Variants in NRIP1 observed in about 807,000 individuals in gnomAD.
NRIP1 encodes nuclear receptor interacting protein 1.
A neutral mutation model predicts 75.0 loss-of-function variants in NRIP1; 28 were observed. The observed-to-expected ratio is 0.37, with a 90% CI of 0.28 to 0.51. The LOEUF is 0.51. NRIP1 is among the 20% of genes least tolerant of loss of function. The pLI is 0.92. For synonymous variants in NRIP1, 526 were observed against 487.6 expected (o/e 1.08, Z -1.04); for missense variants, 1,435 against 1,343.7 (o/e 1.07, Z -1.06).
intron 3 of NRIP1, among the ~76,000 whole-genome samples, chr21:14,987,645 C>T (rs921126983): frequency 1.3e-5 from 2 of 152,138 alleles, no homozygotes; most frequent in Non-Finnish European, 2.9e-5. Flanking sequence ...TGTATAAAAC[C>T]TCCTGGGAGC....
chr21:15,031,093 G>A (rs371886764), intron 2 of NRIP1, among the ~76,000 whole-genome samples: 173 of 44,160 alleles, frequency 3.9e-3, no homozygotes, highest in African/African-American at 8.4e-3. Flanking sequence ...GAAGGCGCTC[G>A]GAGGATCACC....
At chr21:14,971,064 T>C (rs2086891838) in intron 3 of NRIP1, among the ~76,000 whole-genome samples, 1 of 152,224 alleles carries the variant, frequency 6.6e-6, no homozygotes, top group Non-Finnish European at 1.5e-5. Context: ...TAATAATCCA[T>C]TTTTTGGCAA....
chr21:15,059,729 A>G (rs1231463069), intron 1 of NRIP1, among the ~76,000 whole-genome samples: 1 of 152,168 alleles, frequency 6.6e-6, no homozygotes, highest in Non-Finnish European at 1.5e-5. Context: ...AAAACTGTGT[A>G]TAGCTTTTTA....
chr21:15,045,387 TAA>T (rs1396633283), intron 1 of NRIP1, among the ~76,000 whole-genome samples: 2 of 152,228 alleles, frequency 1.3e-5, no homozygotes, highest in Non-Finnish European at 2.9e-5. Context: ...CTAGTGCACA[TAA>T]AAGTTATGTT....
At chr21:15,058,033 A>G (rs1390855334) in intron 1 of NRIP1, among the ~76,000 whole-genome samples, 1 of 152,190 alleles carries the variant, frequency 6.6e-6, no homozygotes, top group Non-Finnish European at 1.5e-5. Flanking sequence ...CAGGCTTGAA[A>G]TCTTTACTGT....
At position 15,031,653 on chromosome 21, in the gene NRIP1, T is replaced by C. The variant is rs62220724; in HGVS notation, c.-458+11842A>G. 2.6e-3 allele frequency among the ~76,000 whole-genome samples: 97 copies of C among 37,056 alleles called. 6 individuals carry two copies. In the East Asian group the frequency reaches 0.03, roughly 11 times the overall value. The allele number at this position is 37,056 out of a possible 152,430, so 24.3% of individuals were successfully genotyped here. ...CTCTGGAAGGCGCTCGGAGGATCACTACATTCCCTTTCTATGTGTATACAC... is the reference window on the plus strand; with the variant it reads ...CTCTGGAAGGCGCTCGGAGGATCACCACATTCCCTTTCTATGTGTATACAC... On this transcript the variant is annotated intron_variant, in intron 2 of 3. Transcript: ENST00000318948.
In NRIP1 at chr21:14,963,223, A is replaced by T. The variant is rs539832376; in HGVS notation, c.*1493T>A. 1 of 152,516 alleles carries T rather than the reference A, an allele frequency of 6.6e-6. No homozygotes were observed. Among genetic ancestry groups the T allele is most frequent in the South Asian group, 2.1e-4 (1 of 4,820 alleles). The allele number at this position is 152,516 out of a possible 1,614,324, so 9.4% of individuals were successfully genotyped here. A position where few individuals can be genotyped will look rare whatever the true frequency, so the allele number is the denominator to read the frequency against. ...TCTTGGGTTTAAACTAAATGTTGTA[A>T]GCTTTGTTGGCATTGTTCTTAGGAC... On this transcript the variant is annotated 3_prime_UTR_variant, in exon 4 of 4. Coordinates refer to ENST00000318948, the MANE Select transcript of NRIP1 (RefSeq NM_003489.4).
rs147293713 is a variant in NRIP1 at position 14,965,992 on chromosome 21, C to T, written c.2201G>A (p.Arg734Lys). ...TGAGTGTTCCTGAGTACTTTCATCT[C>T]TTAAGGGAGTTTTCTCTTTTTTTTC... ...KSEKKEKTPL[R>K]DESTQEHSER... The change falls in exon 4 of 4, where the codon AGA becomes AAA. Residue 734 changes from arginine (R) to lysine (K), a missense_variant. Coordinates refer to ENST00000318948, the MANE Select transcript of NRIP1 (RefSeq NM_003489.4). 1,018 of 1,612,278 alleles carry T rather than the reference C, an allele frequency of 6.3e-4. 4 individuals carry two copies. Among genetic ancestry groups the T allele is most frequent in the Non-Finnish European group, 7.9e-4 (933 of 1,179,576 alleles).
intron 3 of NRIP1, among the ~76,000 whole-genome samples, chr21:15,004,058 T>C (rs2087909952): frequency 6.6e-6 from 1 of 152,174 alleles, no homozygotes; most frequent in Non-Finnish European, 1.5e-5. Context: ...AATATGTATC[T>C]TAATATACAC....
chr21:15,058,293 T>A (rs988983841), intron 1 of NRIP1, among the ~76,000 whole-genome samples: 1 of 152,182 alleles, frequency 6.6e-6, no homozygotes, highest in Non-Finnish European at 1.5e-5. Context: ...ACAGTCCCTT[T>A]AGGAGAAAAA....
rs2086760453 is a variant in NRIP1, at chr21:14,966,806, A to G, written c.1387T>C (p.Phe463Leu). The change falls in exon 4 of 4, where the codon TTC becomes CTC. Residue 463 changes from phenylalanine to leucine, a missense_variant. Transcript: ENST00000318948. ...CAAGTGTTTAGCAAGGATTGAGTGA[A>G]GTTATCCAGGGAAACAGGTTGGTCA... ...ESDQPVSLDN[F>L]TQSLLNTWDP... 1.2e-6 allele frequency: 2 copies of G among 1,614,148 alleles called. No homozygotes were observed. Among genetic ancestry groups the G allele is most frequent in the Non-Finnish European group, 1.7e-6 (2 of 1,180,002 alleles).
chr21:15,003,172 T>C (rs2087888011), intron 3 of NRIP1, among the ~76,000 whole-genome samples: 1 of 152,200 alleles, frequency 6.6e-6, no homozygotes, highest in Admixed American at 6.5e-5. Context: ...ACAACATACA[T>C]TGCCACATTT....
At chr21:15,027,658 C>A (rs888000135) in intron 2 of NRIP1, among the ~76,000 whole-genome samples, 1 of 152,260 alleles carries the variant, frequency 6.6e-6, no homozygotes, top group East Asian at 1.9e-4. Context: ...TTAATTACTG[C>A]GAACTTCAGA....
chr21:15,054,726 T>C (rs777611219), intron 1 of NRIP1, among the ~76,000 whole-genome samples: 2 of 152,234 alleles, frequency 1.3e-5, no homozygotes, highest in Non-Finnish European at 2.9e-5. Flanking sequence ...TTGGGACTGG[T>C]ACAGTTCAAT....
chr21:15,012,350 G>T (rs908602766), intron 3 of NRIP1, among the ~76,000 whole-genome samples: 6 of 149,350 alleles, frequency 4.0e-5, no homozygotes, highest in African/African-American at 1.2e-4. Context: ...ATCTAAAAAC[G>T]TTTAAAAATA....
rs759375480 is a variant in NRIP1 at position 14,965,398 on chromosome 21, C to T, written c.2795G>A (p.Ser932Asn). 1 of 1,614,040 alleles carries T rather than the reference C, an allele frequency of 6.2e-7. No homozygotes were observed. The highest frequency in any genetic ancestry group is 8.5e-7 in the Non-Finnish European group (1 of 1,179,944). The change falls in exon 4 of 4, where the codon AGC becomes AAC. Residue 932 changes from serine (S) to asparagine (N), a missense_variant. Transcript: ENST00000318948. ...EHRSWARESK[S>N]FNVLKQLLLS... Reference sequence around the variant, plus strand: ...AAGCAGCTGTTTCAGAACATTAAAGCTTTTGCTCTCTCTGGCCCAACTCCT... The same window carrying T: ...AAGCAGCTGTTTCAGAACATTAAAGTTTTTGCTCTCTCTGGCCCAACTCCT...
chr21:15,016,961 AAGAAAGAAAGAAAAG>A (rs905762478), intron 2 of NRIP1, among the ~76,000 whole-genome samples: 17 of 151,534 alleles, frequency 1.1e-4, no homozygotes, highest in Non-Finnish European at 1.6e-4. Context: ...AAAGACAAGA[AAGAAAGAAAGAAAAG>A]AGAAAGAAAG....
chr21:15,000,425 T>C (rs1236121415), intron 3 of NRIP1, among the ~76,000 whole-genome samples: 1 of 152,112 alleles, frequency 6.6e-6, no homozygotes, highest in Non-Finnish European at 1.5e-5. Flanking sequence ...AAACAAAATA[T>C]AGTCCTTTCC....
chr21:14,985,222 C>A (rs1406042518), intron 3 of NRIP1, among the ~76,000 whole-genome samples: 1 of 152,130 alleles, frequency 6.6e-6, no homozygotes, highest in African/African-American at 2.4e-5. Flanking sequence ...GCAAGTAAAC[C>A]TTTTGGAGCC....
Sources: allele counts gnomAD v4.1 joint callset (sites outside exome capture counted in the v4.1 genomes callset), GRCh38; gene constraint gnomAD v4.1.1; transcripts MANE v1.5; gene names NCBI Gene and HGNC (gene_info 2026-07-23, HGNC 2026-07-21).